The following KIAA1328 variants were observed in gnomAD, a reference collection of about 807,000 sequenced individuals.
KIAA1328 encodes the protein KIAA1328, also known as protein hinderin.
In KIAA1328, 52 loss-of-function variants were observed where a neutral mutation model predicts 68.1. That is an observed-to-expected ratio of 0.76 (90% confidence interval 0.61 to 0.96). The LOEUF is 0.96. Ranked by LOEUF, KIAA1328 falls within the 40% of genes least tolerant of loss-of-function variation. The probability of loss-of-function intolerance (pLI) is 0.00; values close to 1 mark genes in which losing one functional copy is unlikely to be tolerated. For missense variants in KIAA1328, 641 were observed against 677.6 expected, an observed-to-expected ratio of 0.95 and a Z score of 0.60; for synonymous variants, 232 against 239.4, an observed-to-expected ratio of 0.97 and a Z score of 0.28.
chr18:37,215,335 G>T (rs916383120), intron 9 of KIAA1328, among the ~76,000 whole-genome samples: 1 of 115,632 alleles, frequency 8.6e-6, no homozygotes, highest in East Asian at 2.7e-4. Flanking sequence ...TCAGTACCTA[G>T]TTTATTGAGA....
chr18:36,990,840 G>T (rs1212891163), intron 6 of KIAA1328, among the ~76,000 whole-genome samples: 1 of 152,002 alleles, frequency 6.6e-6, no homozygotes, highest in Non-Finnish European at 1.5e-5. Context: ...TGTTTTAAAT[G>T]GTAGATTTTG....
chr18:37,126,041 A>G (rs1280203228), intron 7 of KIAA1328, among the ~76,000 whole-genome samples: 1 of 152,218 alleles, frequency 6.6e-6, no homozygotes, highest in Non-Finnish European at 1.5e-5. Flanking sequence ...AATGATAGTG[A>G]TGTTAACCAC....
At chr18:37,105,310 C>T (rs2057739102) in intron 7 of KIAA1328, among the ~76,000 whole-genome samples, 1 of 151,966 alleles carries the variant, frequency 6.6e-6, no homozygotes, top group African/African-American at 2.4e-5. Context: ...TGAGACCAGC[C>T]TGAGCAACAC....
intron 5 of KIAA1328, among the ~76,000 whole-genome samples, chr18:36,955,321 T>C (rs1249721858): frequency 6.6e-6 from 1 of 150,472 alleles, no homozygotes; most frequent in African/African-American, 2.4e-5. Flanking sequence ...TTTCTTTTTT[T>C]TTTTTTTTTT....
At position 37,137,181 on chromosome 18, in the gene KIAA1328, CTCTGGAGT is replaced by C. The variant is rs578220236; in HGVS notation, c.1233-23016_1233-23009del. Among the ~76,000 whole-genome samples the C allele has an allele frequency of 1.9e-3, 282 of 152,180 alleles. 4 individuals are homozygous for C. The highest frequency in any genetic ancestry group is 6.6e-3 in the African/African-American group (275 of 41,518). On this transcript the variant is annotated intron_variant, in intron 7 of 9. Coordinates refer to ENST00000280020, the MANE Select transcript of KIAA1328 (RefSeq NM_020776.3). ...ATCTTTGTGTGAAGCACCTGCCTTT[CTCTGGAGT>C]TCATATTTTAATGTGCCCATCAGGG...
chr18:36,923,360 C>A (rs963412196), intron 5 of KIAA1328, among the ~76,000 whole-genome samples: 1 of 152,038 alleles, frequency 6.6e-6, no homozygotes, highest in Non-Finnish European at 1.5e-5. Flanking sequence ...GACAATGAAG[C>A]CAACCTGGCT....
intron 6 of KIAA1328, among the ~76,000 whole-genome samples, chr18:37,033,742 G>A (rs1169928046): frequency 6.6e-6 from 1 of 152,192 alleles, no homozygotes; most frequent in African/African-American, 2.4e-5. Flanking sequence ...ATTCTGTCAT[G>A]CCATTTCTGG....
Position 36,834,324 on chromosome 18 carries a change from T to C in KIAA1328, c.63T>C (p.Ser21=). The C allele has an allele frequency of 6.3e-7, 1 of 1,586,312 alleles. No individual in the cohort carries two copies. The highest frequency in any genetic ancestry group is 8.6e-7 in the Non-Finnish European group (1 of 1,167,980). Residue 21 remains serine (S), a synonymous_variant, in exon 2 of 10, where the codon TCT becomes TCC. Coordinates refer to ENST00000280020, the MANE Select transcript of KIAA1328 (RefSeq NM_020776.3). ...SAAAFWSRDF[S]DEEQSVVYVP... is the part of the protein sequence containing the mutation. The stretch of plus-strand genomic sequence containing the variant: ...CCTTCATGTTCTCCTGCGTAGTTTC[T>C]GATGAAGAACAATCAGTAGTATACG...
At chr18:36,857,641 G>C (rs1322909764) in intron 4 of KIAA1328, among the ~76,000 whole-genome samples, 1 of 152,094 alleles carries the variant, frequency 6.6e-6, no homozygotes. Context: ...AACTCCCCTG[G>C]TTACTATGAG....
chr18:36,916,247 T>G (rs2049695939), intron 5 of KIAA1328, among the ~76,000 whole-genome samples: 2 of 152,134 alleles, frequency 1.3e-5, no homozygotes, highest in African/African-American at 4.8e-5. Flanking sequence ...GCAAAATTCA[T>G]TGAATCTGTT....
In KIAA1328 at chr18:36,868,141, T is replaced by C. The variant is rs540473481; in HGVS notation, c.333-17416T>C. Reference sequence around the variant, plus strand: ...ATGTGAGTCTGAATTTATGGGCTAATGAAAGACAGAAGCCACAAAGAGAAA... The same window carrying C: ...ATGTGAGTCTGAATTTATGGGCTAACGAAAGACAGAAGCCACAAAGAGAAA... On this transcript the variant is annotated intron_variant, in intron 4 of 9. Transcript: ENST00000280020. Among the ~76,000 whole-genome samples, 21 of 152,288 alleles carry C rather than the reference T, an allele frequency of 1.4e-4. No homozygotes were observed. The South Asian group carries it at 4.4e-3, about 32-fold the overall frequency.
rs145531489 is a variant in KIAA1328 at position 36,978,385 on chromosome 18, A to G, written c.576+18950A>G. 1.3e-3 allele frequency among the ~76,000 whole-genome samples: 191 copies of G among 152,344 alleles called. 2 individuals are homozygous for G. The Middle Eastern group carries it at 0.027, about 22-fold the overall frequency. On this transcript the variant is annotated intron_variant, in intron 6 of 9. Transcript: ENST00000280020. ...AGTTGTTTGTATAAACTGGTTAGGC[A>G]TAGTAAGATATGAATATCAGTTACG...
intron 9 of KIAA1328, chr18:37,193,738 A>T: frequency 1.6e-6 from 1 of 631,690 alleles, no homozygotes; most frequent in Non-Finnish European, 2.9e-6. Context: ...TGTGAGAAAC[A>T]GAAAACTGAA....
intron 5 of KIAA1328, among the ~76,000 whole-genome samples, chr18:36,916,611 TC>T (rs1446558642): frequency 6.6e-6 from 1 of 152,198 alleles, no homozygotes; most frequent in African/African-American, 2.4e-5. Flanking sequence ...CCAGTCATTG[TC>T]CTAAGCAATT....
At chr18:36,830,624 A>C (rs955036877) in intron 1 of KIAA1328, among the ~76,000 whole-genome samples, 2 of 152,198 alleles carry the variant, frequency 1.3e-5, no homozygotes, top group African/African-American at 4.8e-5. Context: ...TAAGTGTATT[A>C]ATAGATATAT....
chr18:37,017,581 A>G (rs1407327315), intron 6 of KIAA1328, among the ~76,000 whole-genome samples: 1 of 152,106 alleles, frequency 6.6e-6, no homozygotes, highest in Non-Finnish European at 1.5e-5. Flanking sequence ...CTCCAATACT[A>G]TTGTGTGACT....
chr18:36,954,677 A>C (rs1289408667), intron 5 of KIAA1328, among the ~76,000 whole-genome samples: 1 of 146,820 alleles, frequency 6.8e-6, no homozygotes, highest in Non-Finnish European at 1.5e-5. Flanking sequence ...TTCTGTAAAG[A>C]AAGACTTCAC....
intron 8 of KIAA1328, among the ~76,000 whole-genome samples, chr18:37,172,738 A>G (rs1181893807): frequency 6.6e-6 from 1 of 152,198 alleles, no homozygotes; most frequent in African/African-American, 2.4e-5. Context: ...TTTAAAAACA[A>G]AATCTCTAGT....
At chr18:36,839,739 A>G (rs1392222636) in intron 3 of KIAA1328, among the ~76,000 whole-genome samples, 3 of 152,302 alleles carry the variant, frequency 2.0e-5, no homozygotes, top group African/African-American at 7.2e-5. Context: ...GTGGTGCCAG[A>G]GCAGCTTTTA....
Sources: allele counts gnomAD v4.1 joint callset (sites outside exome capture counted in the v4.1 genomes callset), GRCh38; gene constraint gnomAD v4.1.1; transcripts MANE v1.5; gene names NCBI Gene and HGNC (gene_info 2026-07-23, HGNC 2026-07-21).